Variants in APBB1IP observed in about 807,000 individuals in gnomAD.
APBB1IP encodes the protein amyloid beta precursor protein binding family B member 1 interacting protein, also known as amyloid beta A4 precursor protein-binding family B member 1-interacting protein.
In APBB1IP, 27 loss-of-function variants were observed where a neutral mutation model predicts 64.9. That is an observed-to-expected ratio of 0.42 (90% CI 0.31 to 0.57). The LOEUF is 0.57. Among genes scored for constraint, APBB1IP ranks in the 20% least tolerant of loss-of-function variants. The probability of loss-of-function intolerance (pLI) is 0.20; values close to 1 mark genes in which losing one functional copy is unlikely to be tolerated. For synonymous variants in APBB1IP, 392 were observed against 331.0 expected (o/e 1.18, Z -2.00); for missense variants, 812 against 845.5 (o/e 0.96, Z 0.49).
intron 3 of APBB1IP, among the ~76,000 whole-genome samples, chr10:26,495,957 T>C (rs1836017730): frequency 7.5e-6 from 1 of 132,648 alleles, no homozygotes; most frequent in Admixed American, 7.4e-5. Context: ...ATATATTTTA[T>C]ATATATTTAA....
intron 8 of APBB1IP, among the ~76,000 whole-genome samples, chr10:26,526,031 G>A (rs1836469482): frequency 6.6e-6 from 1 of 152,164 alleles, no homozygotes; most frequent in Admixed American, 6.5e-5. Flanking sequence ...TTCAGAGAAG[G>A]ACAGGAAAAG....
chr10:26,486,175 G>A (rs1326221948), intron 2 of APBB1IP, among the ~76,000 whole-genome samples: 2 of 152,188 alleles, frequency 1.3e-5, no homozygotes, highest in Non-Finnish European at 2.9e-5. Flanking sequence ...GTGCCTGAAC[G>A]CTCTCCACTT....
At chr10:26,521,804 G>A (rs1836404783) in intron 8 of APBB1IP, among the ~76,000 whole-genome samples, 1 of 152,150 alleles carries the variant, frequency 6.6e-6, no homozygotes, top group Non-Finnish European at 1.5e-5. Flanking sequence ...AGGCTAGAGT[G>A]TAGTGGCATG....
At chr10:26,531,352 T>A (rs892637565) in intron 8 of APBB1IP, among the ~76,000 whole-genome samples, 3 of 143,822 alleles carry the variant, frequency 2.1e-5, no homozygotes, top group Admixed American at 6.9e-5. Context: ...ACAAAAAAAA[T>A]TGTGCTTGAC....
At chr10:26,488,410 AT>A (rs1225991491) in intron 2 of APBB1IP, among the ~76,000 whole-genome samples, 2 of 151,906 alleles carry the variant, frequency 1.3e-5, no homozygotes, top group Non-Finnish European at 2.9e-5. Context: ...TAATTTTTTA[AT>A]TTTTTGTACA....
chr10:26,522,979 G>A lies in APBB1IP; in HGVS notation c.813+9319G>A, dbSNP rs567915503. On this transcript the variant is annotated intron_variant, in intron 8 of 14. Coordinates refer to ENST00000376236, the MANE Select transcript of APBB1IP (RefSeq NM_019043.4). ...ACATCGTGCCATTGCACTCCAGCCT[G>A]GGTGACAAGAGTGAAATGAAACTCC... Among the ~76,000 whole-genome samples the A allele has an allele frequency of 1.6e-4, 23 of 146,702 alleles. No individual in the cohort carries two copies. In the East Asian group the frequency reaches 3.8e-3, roughly 24 times the overall value.
chr10:26,472,141 AG>A (rs1372470909), intron 2 of APBB1IP, among the ~76,000 whole-genome samples: 1 of 152,198 alleles, frequency 6.6e-6, no homozygotes, highest in Non-Finnish European at 1.5e-5. Context: ...CCCACAGAAA[AG>A]CAAGAGTTGG....
chr10:26,522,741 G>A (rs1294879132), intron 8 of APBB1IP, among the ~76,000 whole-genome samples: 1 of 151,814 alleles, frequency 6.6e-6, no homozygotes, highest in African/African-American at 2.4e-5. Flanking sequence ...GGGAGGCCAG[G>A]CACAGTGGCT....
At chr10:26,554,417 C>T (rs1443187748) in intron 11 of APBB1IP, among the ~76,000 whole-genome samples, 1 of 152,238 alleles carries the variant, frequency 6.6e-6, no homozygotes, top group Non-Finnish European at 1.5e-5. Flanking sequence ...CGGCAGCTCC[C>T]AGCAGTGCTG....
At chr10:26,536,010 T>C (rs1400032105) in intron 9 of APBB1IP, 64 bp from the exon 10 acceptor site, 1 of 1,496,678 alleles carries the variant, frequency 6.7e-7, no homozygotes, top group Admixed American at 2.4e-5. Flanking sequence ...AGTTTTTAAA[T>C]GTGAATAAAA....
intron 2 of APBB1IP, among the ~76,000 whole-genome samples, chr10:26,452,245 C>T (rs2992262): frequency 0.57 from 86,833 of 152,016 alleles, 26,212 homozygotes; most frequent in East Asian, 0.92. Flanking sequence ...GAATTATTTT[C>T]GTTGTACAGA....
At chr10:26,443,450 A>AAG (rs1835358527) in intron 2 of APBB1IP, among the ~76,000 whole-genome samples, 1 of 151,934 alleles carries the variant, frequency 6.6e-6, no homozygotes, top group Non-Finnish European at 1.5e-5. Context: ...TCCATCTCAA[A>AAG]AAAAAAAAAT....
intron 8 of APBB1IP, among the ~76,000 whole-genome samples, chr10:26,519,925 A>G (rs1836383126): frequency 6.6e-6 from 1 of 152,204 alleles, no homozygotes; most frequent in African/African-American, 2.4e-5. Flanking sequence ...CATGGCTCCT[A>G]AAAGGGAGGC....
In APBB1IP at chr10:26,511,749, C is replaced by T. The variant is rs143340134; in HGVS notation, c.534C>T (p.Leu178=). 89 of 1,614,060 alleles carry T rather than the reference C, an allele frequency of 5.5e-5. No individual in the cohort carries two copies. The highest frequency in any genetic ancestry group is 9.3e-5 in the African/African-American group (7 of 75,020). The part of the protein sequence containing the change: ...EKLKEAKVKK[L]VVKVHMNDNS... ...CTGCCCCATGGTTCTATCCTCAGCT[C>T]GTCGTCAAGGTGCACATGAATGATA... Residue 178 remains leucine, a splice_region_variant and synonymous_variant, in exon 7 of 15, where the codon CTC becomes CTT. Coordinates refer to ENST00000376236, the MANE Select transcript of APBB1IP (RefSeq NM_019043.4).
chr10:26,535,434 G>T (rs986185994), intron 9 of APBB1IP, among the ~76,000 whole-genome samples: 1 of 152,064 alleles, frequency 6.6e-6, no homozygotes, highest in Non-Finnish European at 1.5e-5. Context: ...ATCCTCTCAA[G>T]CATTTGTCCT....
At chr10:26,459,795 T>G (rs1835569314) in intron 2 of APBB1IP, among the ~76,000 whole-genome samples, 1 of 152,180 alleles carries the variant, frequency 6.6e-6, no homozygotes, top group Admixed American at 6.5e-5. Flanking sequence ...TTTGAGAAAT[T>G]TATTTACATT....
At chr10:26,510,004 C>G (rs1484811102) in intron 6 of APBB1IP, among the ~76,000 whole-genome samples, 1 of 152,146 alleles carries the variant, frequency 6.6e-6, no homozygotes, top group Admixed American at 6.5e-5. Flanking sequence ...GAGTCTCGCT[C>G]CACCCCCCAT....
intron 2 of APBB1IP, among the ~76,000 whole-genome samples, chr10:26,462,937 T>C (rs1224682846): frequency 1.3e-5 from 2 of 152,156 alleles, no homozygotes; most frequent in African/African-American, 4.8e-5. Flanking sequence ...GAAGGTGGTA[T>C]GGATTTACTT....
intron 2 of APBB1IP, among the ~76,000 whole-genome samples, chr10:26,486,103 A>T (rs1225289572): frequency 2.0e-5 from 3 of 152,050 alleles, no homozygotes; most frequent in African/African-American, 7.2e-5. Context: ...AAATATAAAT[A>T]AATTAAAAAA....
Sources: gnomAD v4.1 joint callset for allele counts (sites outside exome capture counted in the v4.1 genomes callset) on GRCh38, gnomAD v4.1.1 for gene constraint, MANE v1.5 for transcripts, NCBI Gene and HGNC (gene_info 2026-07-23, HGNC 2026-07-21) for gene names.